P3H1: variants seen among roughly 807,000 people sequenced by gnomAD.
P3H1 encodes prolyl 3-hydroxylase 1, also known as growth suppressor 1.
P3H1 carries 69 observed loss-of-function variants against 84.0 expected under a neutral mutation model. The ratio of observed to expected loss-of-function variants is 0.82; its 90% CI spans 0.68 to 1.00. P3H1 has a LOEUF of 1.00. Among genes scored for constraint, P3H1 ranks in the 50% least tolerant of loss-of-function variants. The pLI is 0.00. For synonymous variants in P3H1, 366 were observed against 388.8 expected (o/e 0.94, Z 0.69); for missense variants, 878 against 962.8 (o/e 0.91, Z 1.17).
rs113593896 is a variant in P3H1 at position 42,754,892 on chromosome 1, T to C, written c.1322A>G (p.Asp441Gly). 5,938 of 1,614,182 alleles carry C rather than the reference T, an allele frequency of 3.7e-3. 15 individuals carry two copies. The highest frequency in any genetic ancestry group is 4.4e-3 in the Non-Finnish European group (5,224 of 1,180,018). The change falls in exon 8 of 15, where the codon GAT (aspartate) becomes GGT (glycine). Residue 441 changes from aspartate to glycine, a missense_variant. Physicochemically the swap from Asp to Gly is moderately conservative, Grantham distance 94. Transcript: ENST00000296388. This position sits in a 1 kb window ranked among gnomAD's most constrained non-coding sequence, Gnocchi z 4.0. ...ACCTTCCCGGGTCAGTCTGCTCACATCCAGTGACTCCTTGGTCTTCTCTTC... is the reference window on the plus strand; with the variant it reads ...ACCTTCCCGGGTCAGTCTGCTCACACCCAGTGACTCCTTGGTCTTCTCTTC... The part of the protein sequence containing the change: ...LVEEKTKESL[D>G]VSRLTREGGP...
At chr1:42,755,336 A>C (rs1652338021) in intron 6 of P3H1, 119 bp from the exon 7 acceptor site, 4 of 1,090,268 alleles carry the variant, frequency 3.7e-6, no homozygotes, top group Middle Eastern at 2.0e-4. Context: ...TCCTTTCAGG[A>C]GACAAAATGG....
At chr1:42,748,109 G>T in intron 12 of P3H1, 91 bp downstream of exon 12, 1 of 904,594 alleles carries the variant, frequency 1.1e-6, no homozygotes, top group Non-Finnish European at 1.8e-6. Flanking sequence ...ACCAGTGTGT[G>T]TGTGCTAGGG....
In P3H1 at chr1:42,746,639, A is replaced by G. The variant is rs1651721748; in HGVS notation, c.*58T>C. On this transcript the variant is annotated 3_prime_UTR_variant, in exon 15 of 15. Coordinates refer to ENST00000296388, the MANE Select transcript of P3H1 (RefSeq NM_022356.4). ...AGCCCCGAGGGGCTGGCCAGCTCAG[A>G]GTGCAGAAGAGTTCCTCTCCATGGG... The G allele has an allele frequency of 5.7e-6, 8 of 1,408,796 alleles. No homozygotes were observed. Among genetic ancestry groups the G allele is most frequent in the Middle Eastern group, 2.0e-4 (1 of 4,900 alleles). 87.3% of individuals were successfully genotyped at this position (1,408,796 alleles called of 1,614,324 possible).
intron 1 of P3H1, among the ~76,000 whole-genome samples, chr1:42,766,011 C>T (rs1162279295): frequency 1.1e-5 from 1 of 87,176 alleles, no homozygotes; most frequent in Non-Finnish European, 2.5e-5. Flanking sequence ...AGAGGGTCCC[C>T]CCCCCGCCCC....
At position 42,750,345 on chromosome 1, in the gene P3H1, G is replaced by T. The variant is rs984789700; in HGVS notation, c.1570-9C>A. On this transcript the variant is annotated splice_polypyrimidine_tract_variant and intron_variant, in intron 10 of 14. Transcript: ENST00000296388. ...TTGCCTTCTTGCCCCAGCTGCCAAG[G>T]AGACAGATGGTCAGCTGCCCTCAAC... The T allele has an allele frequency of 6.2e-7, 1 of 1,613,946 alleles. No individual in the cohort carries two copies. Among genetic ancestry groups the T allele is most frequent in the Non-Finnish European group, 8.5e-7 (1 of 1,179,980 alleles).
chr1:42,762,261 ACT>A, intron 2 of P3H1, 60 bp downstream of exon 2: 1 of 1,528,440 alleles, frequency 6.5e-7, no homozygotes, highest in South Asian at 1.1e-5. Flanking sequence ...ACAGAGCAAG[ACT>A]CTGTCTCTAA....
At chr1:42,747,136 A>G in intron 14 of P3H1, 136 bp downstream of exon 14, 1 of 1,614,118 alleles carries the variant, frequency 6.2e-7, no homozygotes, top group Non-Finnish European at 8.5e-7. Context: ...AGGGCGTTGG[A>G]GCTGGTGTCC....
In P3H1 at chr1:42,752,597, C is replaced by T; in HGVS notation, c.1413G>A (p.Arg471=). ...CAGAGATTACGCCGTCCATCACCACCCGCTGGGAACCATTCAGGAGTTTGG... is the reference window on the plus strand; with the variant it reads ...CAGAGATTACGCCGTCCATCACCACTCGCTGGGAACCATTCAGGAGTTTGG... ...MNSKLLNGSQ[R]VVMDGVISDH... is the part of the protein sequence containing the mutation. The change falls in exon 9 of 15, where the codon CGG becomes CGA. Residue 471 remains arginine (R), a synonymous_variant. Transcript: ENST00000296388. The T allele has an allele frequency of 1.2e-6, 2 of 1,614,188 alleles. No individual in the cohort carries two copies. Among genetic ancestry groups the T allele is most frequent in the Non-Finnish European group, 1.7e-6 (2 of 1,180,032 alleles).
At chr1:42,753,850 C>T (rs1044288230) in intron 8 of P3H1, among the ~76,000 whole-genome samples, 4 of 151,414 alleles carry the variant, frequency 2.6e-5, no homozygotes, top group East Asian at 3.9e-4. Flanking sequence ...TTGATGATCC[C>T]GGGATGTGGA....
intron 2 of P3H1, chr1:42,761,428 C>T (rs1652712999): frequency 6.6e-6 from 1 of 152,156 alleles, no homozygotes; most frequent in African/African-American, 2.4e-5. Flanking sequence ...GATACTGTAA[C>T]ATTTATTGTA....
In P3H1 at chr1:42,755,545, C is replaced by A; in HGVS notation, c.1170+3G>T. The A allele has an allele frequency of 6.2e-7, 1 of 1,611,534 alleles. No individual in the cohort carries two copies. The highest frequency in any genetic ancestry group is 1.1e-5 in the South Asian group (1 of 91,022). On this transcript the variant is annotated splice_donor_region_variant and intron_variant, in intron 6 of 14. Coordinates refer to ENST00000296388, the MANE Select transcript of P3H1 (RefSeq NM_022356.4). ...CCCTTCCGGCTCCTGTACCCTAGCT[C>A]ACCGGATCCACAAAGGGAATTCCAA...
At chr1:42,753,151 C>T (rs1026368111) in intron 8 of P3H1, among the ~76,000 whole-genome samples, 3 of 152,158 alleles carry the variant, frequency 2.0e-5, no homozygotes, top group Non-Finnish European at 4.4e-5. Context: ...CAATATTTGG[C>T]ATATGGTAAG....
intron 2 of P3H1, 133 bp downstream of exon 2, chr1:42,762,190 G>A (rs1363865415): frequency 1.1e-5 from 10 of 883,594 alleles, no homozygotes; most frequent in Non-Finnish European, 7.4e-6. Context: ...AGGGTCTCTT[G>A]AGTCCGGGAA....
rs565981565 is a variant in P3H1, at chr1:42,749,934, G to T, written c.1720+252C>A. On this transcript the variant is annotated intron_variant, in intron 11 of 14. Coordinates refer to ENST00000296388, the MANE Select transcript of P3H1 (RefSeq NM_022356.4). Reference sequence around the variant, plus strand: ...CCCATTAAAGTGCGTTGTGTGACAAGTGACGGGTGGCCCCCTTTCTGGCTG... The same window carrying T: ...CCCATTAAAGTGCGTTGTGTGACAATTGACGGGTGGCCCCCTTTCTGGCTG... 22 of 526,660 alleles carry T rather than the reference G, an allele frequency of 4.2e-5. No individual in the cohort carries two copies. In the East Asian group the frequency reaches 6.7e-4, roughly 16 times the overall value. The allele number at this position is 526,660 out of a possible 1,614,324, so 32.6% of individuals were successfully genotyped here.
chr1:42,755,283 C>A, intron 6 of P3H1, 66 bp from the exon 7 acceptor site: 1 of 1,479,566 alleles, frequency 6.8e-7, no homozygotes, highest in South Asian at 1.1e-5. Context: ...TGTCTCAATG[C>A]ATAAAATAAG....
At chr1:42,759,981 CTTTTTTTTTTT>C (rs36110403) in intron 2 of P3H1, 1 of 102,958 alleles carries the variant, frequency 9.7e-6, no homozygotes, top group Non-Finnish European at 1.8e-5. Context: ...GATTCTTGCA[CTTTTTTTTTTT>C]TTTTTTTTTG....
At chr1:42,761,507 G>A (rs1652717412) in intron 2 of P3H1, 1 of 152,130 alleles carries the variant, frequency 6.6e-6, no homozygotes, top group Non-Finnish European at 1.5e-5. Flanking sequence ...TGCATAAGAT[G>A]GACTATCATG....
In P3H1 at chr1:42,757,821, G is replaced by T; in HGVS notation, c.1042C>A (p.Leu348Ile). Residue 348 changes from leucine to isoleucine, a missense_variant, in exon 5 of 15, where the codon CTT becomes ATT. Leu to Ile is a conservative substitution (Grantham distance 5). Transcript: ENST00000296388. ...ATGGATCTGGTGTGTTCTTCTCCAA[G>T]CATAGCTGCATAATAGGCCAAATTT... ...NQNLAYYAAM[L>I]GEEHTRSIGP... The T allele has an allele frequency of 6.2e-7, 1 of 1,614,198 alleles. No individual in the cohort carries two copies. Among genetic ancestry groups the T allele is most frequent in the Middle Eastern group, 1.6e-4 (1 of 6,062 alleles).
intron 8 of P3H1, among the ~76,000 whole-genome samples, chr1:42,753,330 G>A (rs1302554448): frequency 6.6e-6 from 1 of 152,182 alleles, no homozygotes; most frequent in African/African-American, 2.4e-5. Flanking sequence ...CGCTAATCTT[G>A]TTTAATTAAC....
Sources: gnomAD v4.1 joint callset for allele counts (sites outside exome capture counted in the v4.1 genomes callset) on GRCh38, gnomAD v4.1.1 for gene constraint, Gnocchi (gnomAD v3.1) non-coding constraint, MANE v1.5 for transcripts, NCBI Gene and HGNC (gene_info 2026-07-23, HGNC 2026-07-21) for gene names.